The following INF2 variants were observed in gnomAD, a reference collection of about 807,000 sequenced individuals.
The protein encoded by INF2 is inverted formin 2, also known as inverted formin-2.
In INF2, 43 loss-of-function variants were observed where a neutral mutation model predicts 123.5. The observed-to-expected ratio is 0.35, with a 90% CI of 0.27 to 0.45. INF2 has a LOEUF of 0.45. Among genes scored for constraint, INF2 ranks in the 20% least tolerant of loss-of-function variants. The probability of loss-of-function intolerance (pLI) is 1.00; values close to 1 mark genes in which losing one functional copy is unlikely to be tolerated. For missense variants in INF2, 1,453 were observed against 1,682.7 expected, an observed-to-expected ratio of 0.86 and a Z score of 2.39; for synonymous variants, 851 against 745.0, an observed-to-expected ratio of 1.14 and a Z score of -2.32.
chr14:104,687,707 CT>C (rs1888701141), upstream of INF2, among the ~76,000 whole-genome samples: 1 of 152,178 alleles, frequency 6.6e-6, no homozygotes, highest in African/African-American at 2.4e-5. This position sits in a 1 kb window ranked among gnomAD's most constrained non-coding sequence, Gnocchi z 5.6. Context: ...CCTGGGGGCG[CT>C]GGGCCTCCCT....
chr14:104,711,784 G>A lies in INF2; in HGVS notation c.2489+85G>A, dbSNP rs112291207. On this transcript the variant is annotated intron_variant, in intron 16 of 22. Coordinates refer to ENST00000392634, the MANE Select transcript of INF2 (RefSeq NM_022489.4). ...AGGCAGTGAGGTGGCTGCCCGCCAG[G>A]GCTGGGTCTCACAGCTGCAGCGCAG... The A allele has an allele frequency of 4.5e-5, 60 of 1,320,530 alleles. 3 individuals carry two copies. In the African/African-American group the frequency reaches 4.6e-4, roughly 10 times the overall value. The allele number at this position is 1,320,530 out of a possible 1,614,324, so 81.8% of individuals were successfully genotyped here. A position where few individuals can be genotyped will look rare whatever the true frequency, so the allele number is the denominator to read the frequency against.
chr14:104,714,150 G>T, intron 20 of INF2, 53 bp from the exon 21 acceptor site: 2 of 1,427,900 alleles, frequency 1.4e-6, no homozygotes, highest in Non-Finnish European at 1.8e-6. Context: ...GCTGCACCTG[G>T]GCTGGCTCGG....
rs1177510554 is a variant in INF2 at position 104,701,589 on chromosome 14, A to T, written c.224A>T (p.Asp75Val). ...CAGTTCCTGGAGCAGAGCGGCCTGG[A>T]CCTGCTGCTGGAGGCGCTGGCGCGG... is the stretch of plus-strand genomic sequence containing the variant. ...MVQFLEQSGLDLLLEALARLS... is the reference protein window; with the variant it reads ...MVQFLEQSGLVLLLEALARLS... Residue 75 changes from aspartate (D) to valine (V), a missense_variant, in exon 2 of 23, where the codon GAC becomes GTC. Asp to Val is a radical substitution (Grantham distance 152, BLOSUM62 -3). Coordinates refer to ENST00000392634, the MANE Select transcript of INF2 (RefSeq NM_022489.4). 2.5e-6 allele frequency: 4 copies of T among 1,607,522 alleles called. No individual in the cohort carries two copies. Among genetic ancestry groups the T allele is most frequent in the Non-Finnish European group, 2.5e-6 (3 of 1,178,792 alleles).
intron 12 of INF2, 69 bp from the exon 13 acceptor site, chr14:104,710,019 G>A: frequency 7.6e-7 from 1 of 1,320,120 alleles, no homozygotes; most frequent in Non-Finnish European, 1.1e-6. Context: ...AGAGCCCTGT[G>A]CTGAGTGCCC....
Position 104,711,158 on chromosome 14 carries a change from G to A in INF2, c.2390G>A (p.Arg797His), listed in dbSNP as rs200261709. Residue 797 changes from arginine (R) to histidine (H), a missense_variant, in exon 15 of 23, where the codon CGC becomes CAC. This residue lies in a region of INF2 where 31 missense variants were observed against 86.0 expected (regional missense o/e 0.36). Transcript: ENST00000392634. ...KLTETKSQQN[R>H]VTLLHHVLEE... ...ACGGAGACCAAGTCCCAGCAGAACC[G>A]CGTGACGCTGCTGCACCACGTGCTG... The A allele has an allele frequency of 1.3e-5, 21 of 1,567,440 alleles. No individual in the cohort carries two copies. Among genetic ancestry groups the A allele is most frequent in the East Asian group, 2.4e-5 (1 of 41,538 alleles).
intron 15 of INF2, 62 bp from the exon 16 acceptor site, chr14:104,711,567 A>G: frequency 1.4e-6 from 2 of 1,450,096 alleles, no homozygotes; most frequent in Non-Finnish European, 9.7e-7. Flanking sequence ...GAGTGGGAAC[A>G]GGGTCATCCC....
rs1390597939 is a variant in INF2 at position 104,706,092 on chromosome 14, C to T, written c.759C>T (p.Ala253=). 6.8e-6 allele frequency: 11 copies of T among 1,612,566 alleles called. No individual in the cohort carries two copies. Among genetic ancestry groups the T allele is most frequent in the African/African-American group, 1.3e-5 (1 of 75,054 alleles). ...IQLEAFEEAK[A]EDEEELLRVS... is the part of the protein sequence containing the mutation. ...TGGAGGCTTTCGAGGAGGCTAAGGC[C>T]GAGGACGAGGAGGAGCTGCTGCGAG... Residue 253 remains alanine, a synonymous_variant, in exon 6 of 23, where the codon GCC becomes GCT. Coordinates refer to ENST00000392634, the MANE Select transcript of INF2 (RefSeq NM_022489.4).
intron 1 of INF2, among the ~76,000 whole-genome samples, chr14:104,698,756 A>G (rs1298490091): frequency 6.6e-6 from 1 of 152,084 alleles, no homozygotes; most frequent in African/African-American, 2.4e-5. Context: ...GAGATCGGGC[A>G]GCCTTGGCAG....
chr14:104,697,478 G>C (rs536543814), intron 1 of INF2, among the ~76,000 whole-genome samples: 1 of 152,254 alleles, frequency 6.6e-6, no homozygotes, highest in Non-Finnish European at 1.5e-5. Flanking sequence ...CTGCACCGCA[G>C]GGGCTAGGCA....
chr14:104,700,065 A>C (rs1311847331), intron 1 of INF2, among the ~76,000 whole-genome samples: 5 of 152,106 alleles, frequency 3.3e-5, no homozygotes, highest in Admixed American at 3.3e-4. Flanking sequence ...CTCCCAAGGC[A>C]GGAGGGGAGG....
chr14:104,698,296 GTGGATTCCTTC>G (rs1286706357), intron 1 of INF2, among the ~76,000 whole-genome samples: 1 of 152,232 alleles, frequency 6.6e-6, no homozygotes, highest in Non-Finnish European at 1.5e-5. Context: ...TCAGTAAACT[GTGGATTCCTTC>G]TGGAATCCTT....
At chr14:104,717,609 G>C (rs1566788222) in intron 22 of INF2, 1 of 152,220 alleles carries the variant, frequency 6.6e-6, no homozygotes, top group Non-Finnish European at 1.5e-5. Flanking sequence ...CGTTCTGGAA[G>C]ATAACTTCAC....
chr14:104,711,749 T>C, intron 16 of INF2, 50 bp downstream of exon 16: 4 of 1,573,414 alleles, frequency 2.5e-6, no homozygotes, highest in Non-Finnish European at 3.5e-6. Flanking sequence ...GGGGCCTGAC[T>C]TCTGTCCCCA....
chr14:104,714,083 A>C lies in INF2; in HGVS notation c.3041-120A>C, dbSNP rs1439785325. On this transcript the variant is annotated intron_variant, in intron 20 of 22. Transcript: ENST00000392634. ...GGGTCCTGCTCTGAGACATCAGAGG[A>C]GGCTTTCTGGGGAGGAGGTTTTGCA... is the stretch of plus-strand genomic sequence containing the variant. The C allele has an allele frequency of 9.4e-6, 8 of 851,918 alleles. No homozygotes were observed. The Admixed American group carries it at 1.5e-4, about 15-fold the overall frequency. The allele number at this position is 851,918 out of a possible 1,614,324, so 52.8% of individuals were successfully genotyped here.
At chr14:104,712,686 G>T in intron 17 of INF2, 133 bp downstream of exon 17, 1 of 1,496,646 alleles carries the variant, frequency 6.7e-7, no homozygotes. Flanking sequence ...GCATGGTCAG[G>T]GCACAGGCCC....
intron 1 of INF2, among the ~76,000 whole-genome samples, chr14:104,682,489 G>A (rs1234165913): frequency 2.0e-5 from 3 of 152,192 alleles, no homozygotes; most frequent in Non-Finnish European, 2.9e-5. Context: ...GCCAGGAGGC[G>A]GGAGGGCGGC....
chr14:104,708,819 C>T, intron 10 of INF2, 87 bp downstream of exon 10: 3 of 1,365,570 alleles, frequency 2.2e-6, no homozygotes, highest in Non-Finnish European at 3.1e-6. Flanking sequence ...GTGCCCTCTG[C>T]AGGCCGCCAT....
Position 104,712,347 on chromosome 14 carries a change from CGGG to C in INF2, c.2490-82_2490-80del, listed in dbSNP as rs1890091673. The stretch of plus-strand genomic sequence containing the variant: ...GCCTGCAGGGTGCACAGTGGGGTGC[CGGG>C]GGGTGCAGGGGAGGGGCTCCCCTGT... On this transcript the variant is annotated intron_variant, in intron 16 of 22. Transcript: ENST00000392634. The C allele has an allele frequency of 2.4e-5, 38 of 1,570,784 alleles. 1 individual carries two copies. In the South Asian group the frequency reaches 4.3e-4, roughly 18 times the overall value.
chr14:104,708,861 T>C (rs576049869), intron 10 of INF2, 129 bp downstream of exon 10: 16 of 1,035,982 alleles, frequency 1.5e-5, no homozygotes, highest in African/African-American at 4.8e-5. Context: ...CTAGGCAGGA[T>C]TGTAGGCGGG....
Sources: gnomAD v4.1 joint callset for allele counts (sites outside exome capture counted in the v4.1 genomes callset) on GRCh38, gnomAD v4.1.1 for gene constraint, gnomAD v4.1.1 regional missense constraint, Gnocchi (gnomAD v3.1) non-coding constraint, MANE v1.5 for transcripts, NCBI Gene and HGNC (gene_info 2026-07-23, HGNC 2026-07-21) for gene names.